TUBG1: variants seen among roughly 807,000 people sequenced by gnomAD.
TUBG1 encodes tubulin gamma 1.
TUBG1 carries 22 observed loss-of-function variants against 53.3 expected under a neutral mutation model. The observed-to-expected ratio is 0.41, with a 90% CI of 0.29 to 0.59. The LOEUF is 0.59. TUBG1 is among the 20% of genes least tolerant of loss of function. The pLI is 0.26. For missense variants in TUBG1, 217 were observed against 598.9 expected (o/e 0.36, Z 6.66); for synonymous variants, 198 against 236.7 (o/e 0.84, Z 1.50).
rs4028637 is a variant in TUBG1 at position 42,610,253 on chromosome 17, T to G, written c.162+33T>G. Reference sequence around the variant, plus strand: ...CAGCGACTTGGCCGGGGGCGGCAGTTGCCCAAGGGGGCGGAAGGGAAGGGA... The same window carrying G: ...CAGCGACTTGGCCGGGGGCGGCAGTGGCCCAAGGGGGCGGAAGGGAAGGGA... On this transcript the variant is annotated intron_variant, in intron 2 of 10. Transcript: ENST00000251413. The G allele has an allele frequency of 2.1e-4, 345 of 1,613,788 alleles. 1 individual carries two copies. The highest frequency in any genetic ancestry group is 1.0e-3 in the Middle Eastern group (6 of 5,938).
At chr17:42,612,233 C>T in intron 4 of TUBG1, 90 bp downstream of exon 4, 1 of 1,419,362 alleles carries the variant, frequency 7.0e-7, no homozygotes, top group Non-Finnish European at 1.0e-6. Context: ...AAGACCCACT[C>T]ATGTACCCTT....
chr17:42,614,837 C>T lies in TUBG1; in HGVS notation c.1159-7C>T, dbSNP rs944246738. 4 of 1,614,084 alleles carry T rather than the reference C, an allele frequency of 2.5e-6. No homozygotes were observed. In the African/African-American group the frequency reaches 4.0e-5, roughly 16 times the overall value. ...CTTTGTAACCCCTGTTTTCTGCACA[C>T]CCCAAGCTCTTCGAGAGAACCTGTC... On this transcript the variant is annotated splice_region_variant and splice_polypyrimidine_tract_variant and intron_variant, in intron 10 of 10. Coordinates refer to ENST00000251413, the MANE Select transcript of TUBG1 (RefSeq NM_001070.5). This position sits in a 1 kb window ranked among gnomAD's most constrained non-coding sequence, Gnocchi z 5.1.
At position 42,610,225 on chromosome 17, in the gene TUBG1, C is replaced by T. The variant is rs765937215; in HGVS notation, c.162+5C>T. 1.1e-5 allele frequency: 18 copies of T among 1,614,146 alleles called. No homozygotes were observed. The African/African-American group carries it at 2.0e-4, about 18-fold the overall frequency. ...AAGGACGTCTTTTTCTACCAGGTGC[C>T]CCCAGCGACTTGGCCGGGGGCGGCA... On this transcript the variant is annotated splice_donor_5th_base_variant and intron_variant, in intron 2 of 10. Coordinates refer to ENST00000251413, the MANE Select transcript of TUBG1 (RefSeq NM_001070.5).
In TUBG1 at chr17:42,609,712, G is replaced by C; in HGVS notation, c.-26G>C. 6.5e-7 allele frequency: 1 copy of C among 1,544,110 alleles called. No homozygotes were observed. The highest frequency in any genetic ancestry group is 1.2e-5 in the South Asian group (1 of 83,476). ...TGCGGCGCCGTTGCGGGCGGGAGCG[G>C]CTGCAACGCCGGTGCCTGAGGAGCG... On this transcript the variant is annotated 5_prime_UTR_variant, in exon 1 of 11. Transcript: ENST00000251413.
intron 4 of TUBG1, 124 bp downstream of exon 4, chr17:42,612,267 C>A: frequency 2.3e-6 from 3 of 1,309,234 alleles, no homozygotes; most frequent in Admixed American, 1.8e-5. Context: ...AGCTATCAGG[C>A]CTTGCCAGAA....
chr17:42,611,307 C>CT (rs1309471375), intron 3 of TUBG1: 6 of 152,076 alleles, frequency 3.9e-5, no homozygotes, highest in African/African-American at 9.7e-5. Flanking sequence ...TTAGTGATGC[C>CT]TTTTATTACA....
intron 5 of TUBG1, 135 bp from the exon 6 acceptor site, chr17:42,612,812 G>C (rs1286410700): frequency 5.7e-6 from 7 of 1,237,228 alleles, no homozygotes; most frequent in Non-Finnish European, 7.8e-6. Flanking sequence ...AAAAGTCAAG[G>C]CTCCCTTCTC....
chr17:42,614,954 A>G lies in TUBG1; in HGVS notation c.1269A>G (p.Thr423=). ...AGGACAACTTTGATGAGATGGACAC[A>G]TCCAGGGAGATTGTGCAGCAGCTCA... ...MFKDNFDEMD[T]SREIVQQLID... The change falls in exon 11 of 11, where the codon ACA becomes ACG. Residue 423 remains threonine, a synonymous_variant. Coordinates refer to ENST00000251413, the MANE Select transcript of TUBG1 (RefSeq NM_001070.5). The surrounding 1 kb of genome is among the most constrained non-coding windows in gnomAD (Gnocchi z 5.1). The G allele has an allele frequency of 6.2e-7, 1 of 1,614,206 alleles. No individual in the cohort carries two copies. Among genetic ancestry groups the G allele is most frequent in the African/African-American group, 1.3e-5 (1 of 75,072 alleles).
chr17:42,612,121 C>A lies in TUBG1; in HGVS notation c.377C>A (p.Ala126Glu). The change falls in exon 4 of 11, where the codon GCA becomes GAA. Residue 126 changes from alanine (A) to glutamate (E), a missense_variant. Ala to Glu is a moderately radical substitution (Grantham distance 107). This residue lies in a region of TUBG1 where 57 missense variants were observed against 169.3 expected (regional missense o/e 0.34). Coordinates refer to ENST00000251413, the MANE Select transcript of TUBG1 (RefSeq NM_001070.5). ...EDIFDIIDRE[A>E]DGSDSLEGFV... ...ATTTTTGACATCATAGACCGGGAGG[C>A]AGATGGTAGTGACAGTCTAGAGGTA... The A allele has an allele frequency of 6.2e-7, 1 of 1,614,092 alleles. No individual in the cohort carries two copies. The highest frequency in any genetic ancestry group is 8.5e-7 in the Non-Finnish European group (1 of 1,179,996).
intron 1 of TUBG1, 57 bp from the exon 2 acceptor site, chr17:42,610,051 T>C: frequency 6.2e-7 from 1 of 1,600,036 alleles, no homozygotes; most frequent in Non-Finnish European, 8.5e-7. Flanking sequence ...GGCTCCTGAT[T>C]GGAACCTGCC....
In TUBG1 at chr17:42,612,154, C is replaced by T. The variant is rs1157335663; in HGVS notation, c.399+11C>T. The T allele has an allele frequency of 1.2e-6, 2 of 1,613,752 alleles. No individual in the cohort carries two copies. Among genetic ancestry groups the T allele is most frequent in the Non-Finnish European group, 1.7e-6 (2 of 1,179,872 alleles). On this transcript the variant is annotated intron_variant, in intron 4 of 10. Coordinates refer to ENST00000251413, the MANE Select transcript of TUBG1 (RefSeq NM_001070.5). ...AGTGACAGTCTAGAGGTAAGTGTCC[C>T]AGGAATGCTGGTAGGAGCCGACATG... is the stretch of plus-strand genomic sequence containing the variant.
intron 7 of TUBG1, 58 bp downstream of exon 7, chr17:42,613,791 T>C (rs2052054494): frequency 1.2e-6 from 2 of 1,614,116 alleles, no homozygotes; most frequent in Non-Finnish European, 1.7e-6. Flanking sequence ...GGAGGGTCAT[T>C]TGGGGAAGGG....
Position 42,614,483 on chromosome 17 carries a change from A to T in TUBG1, c.997-13A>T. On this transcript the variant is annotated splice_polypyrimidine_tract_variant and intron_variant, in intron 9 of 10. Transcript: ENST00000251413. This position sits in a 1 kb window ranked among gnomAD's most constrained non-coding sequence, Gnocchi z 5.1. ...AGGAGAGGCCACCTCCACTGCTCCTATGCCCACCCCAGGTCCACAAGAGCT... is the reference window on the plus strand; with the variant it reads ...AGGAGAGGCCACCTCCACTGCTCCTTTGCCCACCCCAGGTCCACAAGAGCT... The T allele has an allele frequency of 6.2e-7, 1 of 1,613,978 alleles. No homozygotes were observed. The highest frequency in any genetic ancestry group is 1.1e-5 in the South Asian group (1 of 91,070).
rs767442898 is a variant in TUBG1, at chr17:42,613,058, G to C, written c.591G>C (p.Gln197His). 1 of 1,614,100 alleles carries C rather than the reference G, an allele frequency of 6.2e-7. No individual in the cohort carries two copies. The highest frequency in any genetic ancestry group is 8.5e-7 in the Non-Finnish European group (1 of 1,179,984). Residue 197 changes from glutamine (Q) to histidine (H), a missense_variant, in exon 6 of 11, where the codon CAG becomes CAC. Transcript: ENST00000251413. ...NSLLTLKRLT[Q>H]NADCVVVLDN... ...TCCTCACACTCAAGAGGCTGACGCA[G>C]AATGCAGACTGTGTGGTGAGTCCTG...
At chr17:42,609,895 A>C in intron 1 of TUBG1, 109 bp downstream of exon 1, 1 of 1,444,734 alleles carries the variant, frequency 6.9e-7, no homozygotes, top group Non-Finnish European at 9.3e-7. Context: ...GTTCTCTGAA[A>C]GGCGAGACAT....
rs2037010204 is a variant in TUBG1, at chr17:42,615,148, A to G, written c.*107A>G. 1.8e-5 allele frequency: 18 copies of G among 1,022,620 alleles called. No individual in the cohort carries two copies. The South Asian group carries it at 2.7e-4, about 15-fold the overall frequency. The allele number at this position is 1,022,620 out of a possible 1,614,324, so 63.3% of individuals were successfully genotyped here. On this transcript the variant is annotated 3_prime_UTR_variant, in exon 11 of 11. Transcript: ENST00000251413. ...CAGGGACCTCACGCATCTCTTTCTCATATACATGGACTCTCTGTTGGCCTG... is the reference window on the plus strand; with the variant it reads ...CAGGGACCTCACGCATCTCTTTCTCGTATACATGGACTCTCTGTTGGCCTG...
chr17:42,609,774 T>G lies in TUBG1; in HGVS notation c.37T>G (p.Cys13Gly). ...AATCATCACCCTACAGTTGGGCCAG[T>G]GCGGCAATCAGAGTGAGCGAAACTC... ...REIITLQLGQ[C>G]GNQIGFEFWK... Residue 13 changes from cysteine (C) to glycine (G), a missense_variant, in exon 1 of 11, where the codon TGC (cysteine) becomes GGC (glycine). Coordinates refer to ENST00000251413, the MANE Select transcript of TUBG1 (RefSeq NM_001070.5). The G allele has an allele frequency of 6.4e-7, 1 of 1,551,430 alleles. No homozygotes were observed. Among genetic ancestry groups the G allele is most frequent in the Non-Finnish European group, 8.7e-7 (1 of 1,146,878 alleles).
At chr17:42,609,968 C>T in intron 1 of TUBG1, 140 bp from the exon 2 acceptor site, 8 of 1,299,836 alleles carry the variant, frequency 6.2e-6, no homozygotes. Context: ...CCCTGGCGTA[C>T]AGTCCTTTCC....
chr17:42,611,995 G>T (rs1460072628), intron 3 of TUBG1, 80 bp from the exon 4 acceptor site: 1 of 1,312,504 alleles, frequency 7.6e-7, no homozygotes, highest in South Asian at 1.2e-5. Context: ...GTGTTATAAG[G>T]AGAATTGAGG....
Sources: gnomAD v4.1 joint callset for allele counts on GRCh38, gnomAD v4.1.1 for gene constraint, gnomAD v4.1.1 regional missense constraint, Gnocchi (gnomAD v3.1) non-coding constraint, MANE v1.5 for transcripts, NCBI Gene and HGNC (gene_info 2026-07-23, HGNC 2026-07-21) for gene names.